The following SLC6A4 variants were observed in gnomAD, a reference collection of about 807,000 sequenced individuals.
SLC6A4 encodes the protein sodium-dependent serotonin transporter.
SLC6A4 carries 22 observed loss-of-function variants against 73.4 expected under a neutral mutation model. That is an observed-to-expected ratio of 0.30 (90% CI 0.21 to 0.43). SLC6A4 has a LOEUF of 0.43. SLC6A4 is among the 20% of genes least tolerant of loss of function. The pLI is 1.00. For missense variants in SLC6A4, 593 were observed against 808.5 expected, an observed-to-expected ratio of 0.73 and a Z score of 3.23; for synonymous variants, 270 against 315.5, an observed-to-expected ratio of 0.86 and a Z score of 1.53.
intron 7 of SLC6A4, 142 bp from the exon 8 acceptor site, chr17:30,215,856 C>T: frequency 5.1e-6 from 4 of 787,308 alleles, no homozygotes; most frequent in Non-Finnish European, 8.4e-6. Flanking sequence ...CAGGCATAGC[C>T]ATAAACCAAG....
chr17:30,195,085 T>C lies in SLC6A4; in HGVS notation c.*3371A>G, dbSNP rs1475299403. 6.6e-6 allele frequency: 1 copy of C among 152,188 alleles called. No homozygotes were observed. Among genetic ancestry groups the C allele is most frequent in the African/African-American group, 2.4e-5 (1 of 41,442 alleles). 9.4% of individuals were successfully genotyped at this position (152,188 alleles called of 1,614,324 possible). A position where few individuals can be genotyped will look rare whatever the true frequency, so the allele number is the denominator to read the frequency against. On this transcript the variant is annotated 3_prime_UTR_variant, in exon 15 of 15. Coordinates refer to ENST00000650711, the MANE Select transcript of SLC6A4 (RefSeq NM_001045.6). ...TCCAACTGAAATATATTGTGAATCA[T>C]TTTCAACAAAAGAGCTCTTCTGTTG...
intron 1 of SLC6A4, among the ~76,000 whole-genome samples, chr17:30,227,690 T>C (rs1906970841): frequency 6.6e-6 from 1 of 152,182 alleles, no homozygotes; most frequent in African/African-American, 2.4e-5. Flanking sequence ...TTTCACCATG[T>C]TGCCCAGGTT....
chr17:30,215,990 A>G, intron 7 of SLC6A4, 92 bp downstream of exon 7: 1 of 1,163,998 alleles, frequency 8.6e-7, no homozygotes, highest in Non-Finnish European at 1.2e-6. Flanking sequence ...CTGAAGCCAC[A>G]TTTCAGTTGT....
intron 14 of SLC6A4, among the ~76,000 whole-genome samples, chr17:30,200,200 C>A (rs764378885): frequency 6.6e-6 from 1 of 152,260 alleles, no homozygotes; most frequent in Non-Finnish European, 1.5e-5. Context: ...TACCTACCCA[C>A]ATGGGCTGCT....
At position 30,211,578 on chromosome 17, in the gene SLC6A4, C is replaced by T. The variant is rs924140651; in HGVS notation, c.1205-154G>A. Among the ~76,000 whole-genome samples, 3 of 152,234 alleles carry T rather than the reference C, an allele frequency of 2.0e-5. No homozygotes were observed. Among genetic ancestry groups the T allele is most frequent in the African/African-American group, 4.8e-5 (2 of 41,456 alleles). On this transcript the variant is annotated intron_variant, in intron 9 of 14. Transcript: ENST00000650711. The surrounding 1 kb of genome is among the most constrained non-coding windows in gnomAD (Gnocchi z 4.0). Reference sequence around the variant, plus strand: ...GACACACACCAAGTGCGTCCTCACACTCTACTCCGTCTGACGTGGCCACCC... The same window carrying T: ...GACACACACCAAGTGCGTCCTCACATTCTACTCCGTCTGACGTGGCCACCC...
At chr17:30,206,568 C>G (rs1906205202) in intron 13 of SLC6A4, 1 of 152,102 alleles carries the variant, frequency 6.6e-6, no homozygotes, top group African/African-American at 2.4e-5. Flanking sequence ...AAATTGTAAA[C>G]ACAGAAGTAC....
In SLC6A4 at chr17:30,207,785, G is replaced by T. The variant is rs1906254431; in HGVS notation, c.1597C>A (p.Pro533Thr). 1 of 1,614,064 alleles carries T rather than the reference G, an allele frequency of 6.2e-7. No homozygotes were observed. Among genetic ancestry groups the T allele is most frequent in the Non-Finnish European group, 8.5e-7 (1 of 1,179,990 alleles). ...RDVKEMLGFSPGWFWRICWVA... is the reference protein window; with the variant it reads ...RDVKEMLGFSTGWFWRICWVA... ...CAGCAGATCCTCCAGAACCACCCCG[G>T]GCTGAAGCCGAGCATTTCCTTCACG... The change falls in exon 13 of 15, where the codon CCG becomes ACG. Residue 533 changes from proline to threonine, a missense_variant. By Grantham distance (38) the Pro-to-Thr change is conservative. Transcript: ENST00000650711.
chr17:30,210,431 G>T, intron 11 of SLC6A4, 84 bp downstream of exon 11: 1 of 1,441,042 alleles, frequency 6.9e-7, no homozygotes, highest in South Asian at 1.3e-5. Flanking sequence ...GGCACTGTGT[G>T]AGATGGAAGG....
Position 30,210,530 on chromosome 17 carries a change from C to T in SLC6A4, c.1434G>A (p.Leu478=), listed in dbSNP as rs1906350617. 2 of 1,613,298 alleles carry T rather than the reference C, an allele frequency of 1.2e-6. No homozygotes were observed. The highest frequency in any genetic ancestry group is 2.7e-5 in the African/African-American group (2 of 74,810). ...TGATACTCACAAAAGTCAGGGTGACCAGGGATCCAAAGAAGCAGGTGATGA... is the reference window on the plus strand; with the variant it reads ...TGATACTCACAAAAGTCAGGGTGACTAGGGATCCAAAGAAGCAGGTGATGA... ...AVVITCFFGS[L]VTLTFGGAYV... Residue 478 remains leucine (L), a synonymous_variant, in exon 11 of 15, where the codon CTG becomes CTA. Transcript: ENST00000650711.
intron 1 of SLC6A4, among the ~76,000 whole-genome samples, chr17:30,223,788 CAA>C (rs1906844663): frequency 6.6e-6 from 1 of 152,202 alleles, no homozygotes; most frequent in East Asian, 1.9e-4. Flanking sequence ...TGAATTCTGA[CAA>C]GAGCGGTCTC....
In SLC6A4 at chr17:30,211,349, A is replaced by G. The variant is rs1409472269; in HGVS notation, c.1280T>C (p.Phe427Ser). ...MPASTFFAII[F>S]FLMLITLGLD... Reference sequence around the variant, plus strand: ...GCCCAGCGTGATTAACATCAGAAAGAAGATGATGGCAAAGAAAGTGGACGC... The same window carrying G: ...GCCCAGCGTGATTAACATCAGAAAGGAGATGATGGCAAAGAAAGTGGACGC... The change falls in exon 10 of 15, where the codon TTC becomes TCC. Residue 427 changes from phenylalanine (F) to serine (S), a missense_variant. By Grantham distance (155) the Phe-to-Ser change is radical. Coordinates refer to ENST00000650711, the MANE Select transcript of SLC6A4 (RefSeq NM_001045.6). This position sits in a 1 kb window ranked among gnomAD's most constrained non-coding sequence, Gnocchi z 4.0. 1.2e-6 allele frequency: 2 copies of G among 1,613,276 alleles called. No homozygotes were observed. Among genetic ancestry groups the G allele is most frequent in the Non-Finnish European group, 1.7e-6 (2 of 1,179,464 alleles).
rs9303630 is a variant in SLC6A4 at position 30,226,872 on chromosome 17, C to CAAAA, written c.-220-3961_-220-3958dup. The stretch of plus-strand genomic sequence containing the variant: ...TGGGCGATAGAGTGAGACTCTGTCT[C>CAAAA]AAAAAAAAAAGAAAAAGAAAGAAAA... On this transcript the variant is annotated intron_variant, in intron 1 of 14. Coordinates refer to ENST00000650711, the MANE Select transcript of SLC6A4 (RefSeq NM_001045.6). Among the ~76,000 whole-genome samples, 10 of 112,312 alleles carry CAAAA rather than the reference C, an allele frequency of 8.9e-5. 1 individual carries two copies. Among genetic ancestry groups the CAAAA allele is most frequent in the South Asian group, 2.7e-4 (1 of 3,650 alleles). The allele number at this position is 112,312 out of a possible 152,430, so 73.7% of individuals were successfully genotyped here. A position where few individuals can be genotyped will look rare whatever the true frequency, so the allele number is the denominator to read the frequency against.
chr17:30,224,151 T>C (rs948911476), intron 1 of SLC6A4, among the ~76,000 whole-genome samples: 7 of 151,948 alleles, frequency 4.6e-5, no homozygotes, highest in Non-Finnish European at 1.0e-4. Context: ...AGCTTTTCCC[T>C]GTGCGGCTGG....
At chr17:30,230,048 G>A (rs1907040181) in intron 1 of SLC6A4, among the ~76,000 whole-genome samples, 1 of 61,468 alleles carries the variant, frequency 1.6e-5, no homozygotes, top group African/African-American at 1.3e-4. Context: ...AAAGAAGAAA[G>A]AAGAAGAAGA....
intron 1 of SLC6A4, among the ~76,000 whole-genome samples, chr17:30,231,936 G>A (rs1483277253): frequency 6.6e-6 from 1 of 152,182 alleles, no homozygotes; most frequent in Non-Finnish European, 1.5e-5. Context: ...AGAGACTCAA[G>A]TTCTAGGCCT....
intron 1 of SLC6A4, 101 bp from the exon 2 acceptor site, chr17:30,223,016 A>G: frequency 2.5e-6 from 1 of 407,448 alleles, no homozygotes; most frequent in South Asian, 1.8e-5. Context: ...CTGTGCCTTC[A>G]TTTCACCGCC....
At chr17:30,206,673 T>C (rs1906208708) in intron 13 of SLC6A4, among the ~76,000 whole-genome samples, 1 of 151,906 alleles carries the variant, frequency 6.6e-6, no homozygotes, top group African/African-American at 2.4e-5. Flanking sequence ...CCCTTCACTT[T>C]ACATTGCTAA....
chr17:30,225,900 T>C (rs1368058714), intron 1 of SLC6A4, among the ~76,000 whole-genome samples: 1 of 152,236 alleles, frequency 6.6e-6, no homozygotes, highest in African/African-American at 2.4e-5. Flanking sequence ...CTATTTAAAC[T>C]TCTGATCGAA....
intron 7 of SLC6A4, 61 bp downstream of exon 7, chr17:30,216,021 G>T: frequency 6.7e-7 from 1 of 1,485,992 alleles, no homozygotes; most frequent in Non-Finnish European, 9.3e-7. Context: ...CTATTTGGAG[G>T]AGGACCAGCT....
Sources: allele counts gnomAD v4.1 joint callset (sites outside exome capture counted in the v4.1 genomes callset), GRCh38; gene constraint gnomAD v4.1.1; non-coding constraint Gnocchi (gnomAD v3.1); transcripts MANE v1.5; gene names NCBI Gene and HGNC (gene_info 2026-07-23, HGNC 2026-07-21).